Variants in SERINC5 observed in about 807,000 individuals in gnomAD.
SERINC5 encodes the protein chromosome 5 open reading frame 12.
A neutral mutation model predicts 63.1 loss-of-function variants in SERINC5; 41 were observed. The observed-to-expected ratio is 0.65, with a 90% CI of 0.51 to 0.84. The LOEUF is 0.84. SERINC5 is among the 40% of genes least tolerant of loss of function. SERINC5 has a pLI of 0.00. For missense variants in SERINC5, 523 were observed against 573.0 expected, an observed-to-expected ratio of 0.91 and a Z score of 0.89; for synonymous variants, 222 against 215.2, an observed-to-expected ratio of 1.03 and a Z score of -0.28.
intron 9 of SERINC5, 77 bp from the exon 10 acceptor site, chr5:80,147,361 A>G: frequency 6.9e-7 from 1 of 1,439,728 alleles, no homozygotes; most frequent in South Asian, 1.2e-5. Context: ...AGTAACCCTT[A>G]TTTGAACCAC....
At chr5:80,179,744 C>T (rs990787634) in intron 2 of SERINC5, among the ~76,000 whole-genome samples, 10 of 152,218 alleles carry the variant, frequency 6.6e-5, no homozygotes, top group Non-Finnish European at 1.3e-4. Flanking sequence ...CTTTGAGTAT[C>T]ATGTTGGCAC....
chr5:80,113,089 T>C (rs1744185809), intron 12 of SERINC5, among the ~76,000 whole-genome samples: 1 of 152,232 alleles, frequency 6.6e-6, no homozygotes, highest in African/African-American at 2.4e-5. Context: ...ATATAAATAA[T>C]TTTATTCTGG....
intron 1 of SERINC5, among the ~76,000 whole-genome samples, chr5:80,218,221 C>T (rs1750752532): frequency 6.6e-6 from 1 of 152,166 alleles, no homozygotes; most frequent in African/African-American, 2.4e-5. Flanking sequence ...CAGCATGTGT[C>T]GCATTAACCC....
chr5:80,114,940 G>A (rs1202604794), intron 11 of SERINC5, among the ~76,000 whole-genome samples: 2 of 152,016 alleles, frequency 1.3e-5, no homozygotes, highest in Non-Finnish European at 2.9e-5. Context: ...AGAAATGTGT[G>A]TCTCTGGATC....
intron 1 of SERINC5, among the ~76,000 whole-genome samples, chr5:80,236,862 T>C (rs1042772892): frequency 1.3e-5 from 2 of 150,276 alleles, no homozygotes; most frequent in Non-Finnish European, 3.0e-5. Flanking sequence ...CTTTTTTTAT[T>C]TTTTTGAGAC....
intron 11 of SERINC5, among the ~76,000 whole-genome samples, chr5:80,126,023 C>T (rs1006506775): frequency 5.3e-5 from 8 of 152,144 alleles, no homozygotes; most frequent in Non-Finnish European, 2.9e-5. Context: ...CATGAGTCAT[C>T]CATCAATGTG....
intron 1 of SERINC5, among the ~76,000 whole-genome samples, chr5:80,222,890 C>T (rs751588885): frequency 2.0e-5 from 3 of 151,850 alleles, no homozygotes; most frequent in Non-Finnish European, 4.4e-5. Flanking sequence ...TAGACAGTCT[C>T]ACTCTGTTGC....
chr5:80,112,647 C>T (rs941244246), intron 12 of SERINC5, among the ~76,000 whole-genome samples: 4 of 152,002 alleles, frequency 2.6e-5, no homozygotes, highest in African/African-American at 7.3e-5. Context: ...GGCAAACCAC[C>T]CCTTCATGTG....
chr5:80,171,843 G>A (rs376253825), intron 5 of SERINC5, among the ~76,000 whole-genome samples: 1 of 151,628 alleles, frequency 6.6e-6, no homozygotes, highest in African/African-American at 2.4e-5. Context: ...ACTGCGCCAC[G>A]GCACTCCAGC....
chr5:80,245,022 C>G (rs1479749217), intron 1 of SERINC5, among the ~76,000 whole-genome samples: 1 of 152,140 alleles, frequency 6.6e-6, no homozygotes, highest in Admixed American at 6.5e-5. Flanking sequence ...TTCAAGTTGT[C>G]GTCTGACCAG....
chr5:80,113,164 T>C (rs1418422850), intron 12 of SERINC5, among the ~76,000 whole-genome samples: 1 of 152,192 alleles, frequency 6.6e-6, no homozygotes, highest in East Asian at 1.9e-4. Context: ...GTTTCCAGGA[T>C]TGGGATATTG....
intron 1 of SERINC5, among the ~76,000 whole-genome samples, chr5:80,205,219 G>A (rs1561424909): frequency 6.6e-6 from 1 of 152,198 alleles, no homozygotes; most frequent in Non-Finnish European, 1.5e-5. Flanking sequence ...TAAAAACAGC[G>A]ACTCACTCAG....
At position 80,255,978 on chromosome 5, in the gene SERINC5, C is replaced by T. The variant is rs1323647735; in HGVS notation, c.-56G>A. On this transcript the variant is annotated 5_prime_UTR_variant, in exon 1 of 12. Coordinates refer to ENST00000507668, the MANE Select transcript of SERINC5 (RefSeq NM_001174072.3). The stretch of plus-strand genomic sequence containing the variant: ...TGGCTCCCCGCGCCGCACGGGCCCT[C>T]CTGGCTGCCTCGCGCCTCGAGCGCT... The T allele has an allele frequency of 3.4e-6, 5 of 1,462,984 alleles. No individual in the cohort carries two copies. Among genetic ancestry groups the T allele is most frequent in the Admixed American group, 5.1e-5 (2 of 39,498 alleles). 90.6% of individuals were successfully genotyped at this position (1,462,984 alleles called of 1,614,324 possible).
At chr5:80,225,066 G>C (rs546731485) in intron 1 of SERINC5, among the ~76,000 whole-genome samples, 1 of 151,394 alleles carries the variant, frequency 6.6e-6, no homozygotes. Flanking sequence ...TCAGCCTCCC[G>C]AGTAGCTGAG....
chr5:80,173,435 A>G (rs895020468), intron 5 of SERINC5, among the ~76,000 whole-genome samples: 20 of 152,264 alleles, frequency 1.3e-4, no homozygotes, highest in Non-Finnish European at 2.9e-5. Context: ...CTCTACTAAA[A>G]AATACAAAAA....
At chr5:80,207,922 C>T (rs1338841251) in intron 1 of SERINC5, among the ~76,000 whole-genome samples, 1 of 152,162 alleles carries the variant, frequency 6.6e-6, no homozygotes, top group Non-Finnish European at 1.5e-5. Context: ...GCTGACTGAA[C>T]ACGTGTTTCT....
intron 2 of SERINC5, among the ~76,000 whole-genome samples, chr5:80,182,545 C>CA (rs1261152044): frequency 2.2e-4 from 7 of 32,550 alleles, no homozygotes; most frequent in Admixed American, 1.0e-3. Flanking sequence ...CATCTGACCG[C>CA]CCCCCCCCCC....
intron 8 of SERINC5, 119 bp downstream of exon 8, chr5:80,158,717 T>C (rs999131489): frequency 7.6e-6 from 7 of 923,538 alleles, no homozygotes; most frequent in Non-Finnish European, 9.7e-6. Flanking sequence ...TTTTTACTTG[T>C]GGTTATTTTC....
At chr5:80,168,253 G>C (rs1052420413) in intron 6 of SERINC5, among the ~76,000 whole-genome samples, 1 of 151,720 alleles carries the variant, frequency 6.6e-6, no homozygotes, top group Non-Finnish European at 1.5e-5. Context: ...GGAGTGCAGT[G>C]GTGGGATCTT....
Sources: allele counts gnomAD v4.1 joint callset (sites outside exome capture counted in the v4.1 genomes callset), GRCh38; gene constraint gnomAD v4.1.1; transcripts MANE v1.5; gene names NCBI Gene and HGNC (gene_info 2026-07-23, HGNC 2026-07-21).